STK3: variants seen among roughly 807,000 people sequenced by gnomAD.
STK3 encodes serine/threonine kinase 3.
In STK3, 41 loss-of-function variants were observed where a neutral mutation model predicts 58.0. The observed-to-expected ratio is 0.71, with a 90% CI of 0.55 to 0.92. The LOEUF (loss-of-function observed/expected upper bound fraction) is 0.92. STK3 is among the 40% of genes least tolerant of loss of function. The pLI is 0.00. For synonymous variants in STK3, 170 were observed against 191.0 expected, an observed-to-expected ratio of 0.89 and a Z score of 0.91; for missense variants, 479 against 602.7, an observed-to-expected ratio of 0.79 and a Z score of 2.15.
At chr8:98,511,968 A>T (rs183871774) in intron 10 of STK3, among the ~76,000 whole-genome samples, 39 of 152,036 alleles carry the variant, frequency 2.6e-4, no homozygotes, top group East Asian at 7.7e-4. Context: ...TTTTTTTTTT[A>T]AATTTTTTAA....
intron 1 of STK3, among the ~76,000 whole-genome samples, chr8:98,933,864 A>G (rs1314078208): frequency 6.6e-6 from 1 of 152,240 alleles, no homozygotes; most frequent in Non-Finnish European, 1.5e-5. Context: ...GCCTGTAAGT[A>G]TTAACACAGG....
chr8:98,929,036 C>T (rs111387889), intron 1 of STK3, among the ~76,000 whole-genome samples: 4,860 of 152,264 alleles, frequency 0.032, 100 homozygotes, highest in East Asian at 0.053. Flanking sequence ...GAGGCCAAGG[C>T]GGGTGGATCA....
chr8:98,869,194 G>A (rs1837270201), intron 3 of STK3, among the ~76,000 whole-genome samples: 1 of 152,166 alleles, frequency 6.6e-6, no homozygotes, highest in African/African-American at 2.4e-5. Flanking sequence ...GCTGAGGCTG[G>A]TGGATCACTC....
At chr8:98,736,414 T>C (rs1374382889) in intron 4 of STK3, among the ~76,000 whole-genome samples, 1 of 152,114 alleles carries the variant, frequency 6.6e-6, no homozygotes, top group Non-Finnish European at 1.5e-5. Flanking sequence ...ATTGTAACAC[T>C]GAACTGGAAA....
At chr8:98,924,783 G>C (rs945470117) in intron 1 of STK3, among the ~76,000 whole-genome samples, 4 of 152,172 alleles carry the variant, frequency 2.6e-5, no homozygotes, top group African/African-American at 9.7e-5. Flanking sequence ...TTAGAAGCTA[G>C]GTCTGCGGAA....
At chr8:98,864,160 T>A (rs1235569187) in intron 3 of STK3, among the ~76,000 whole-genome samples, 1 of 130,084 alleles carries the variant, frequency 7.7e-6, no homozygotes, top group Non-Finnish European at 1.5e-5. Flanking sequence ...ATTGCACCAC[T>A]GCACTCCAGC....
At chr8:98,367,613 G>GAAA (rs1359042545), downstream of STK3, among the ~76,000 whole-genome samples, 1 of 152,252 alleles carries the variant, frequency 6.6e-6, no homozygotes, top group Non-Finnish European at 1.5e-5. Context: ...TGGGGCTGGA[G>GAAA]CGGGGTTTCT....
chr8:98,717,809 C>T (rs2131163362), intron 4 of STK3, among the ~76,000 whole-genome samples: 1 of 152,200 alleles, frequency 6.6e-6, no homozygotes, highest in Non-Finnish European at 1.5e-5. Context: ...TGTCATTCGA[C>T]AGACAAATGA....
intron 3 of STK3, chr8:98,413,814 A>G: frequency 5.0e-6 from 3 of 598,762 alleles, no homozygotes; most frequent in Non-Finnish European, 9.5e-6. Context: ...CTCAGGGTTC[A>G]CCCACAAACC....
intron 1 of STK3, among the ~76,000 whole-genome samples, chr8:98,812,377 G>C (rs1337347453): frequency 2.0e-4 from 30 of 152,146 alleles, no homozygotes; most frequent in Admixed American, 2.0e-3. Context: ...TCATTAAAAA[G>C]TCAGGAAACA....
chr8:98,730,197 A>G (rs1828075718), intron 4 of STK3, among the ~76,000 whole-genome samples: 2 of 152,214 alleles, frequency 1.3e-5, no homozygotes, highest in Non-Finnish European at 2.9e-5. Flanking sequence ...ACTGGTAACT[A>G]AAGAAAACTG....
At chr8:98,805,053 C>A (rs768858922) in intron 1 of STK3, among the ~76,000 whole-genome samples, 1 of 151,978 alleles carries the variant, frequency 6.6e-6, no homozygotes, top group Admixed American at 6.6e-5. Flanking sequence ...TTGTTTCTTG[C>A]AAAAATCTGG....
At chr8:98,625,597 G>A (rs1045217147) in intron 6 of STK3, among the ~76,000 whole-genome samples, 1 of 152,090 alleles carries the variant, frequency 6.6e-6, no homozygotes, top group African/African-American at 2.4e-5. Flanking sequence ...AACTGATTAT[G>A]CCTTTTCATA....
At chr8:98,604,473 G>A (rs1314145774) in intron 6 of STK3, among the ~76,000 whole-genome samples, 1 of 152,174 alleles carries the variant, frequency 6.6e-6, no homozygotes, top group Non-Finnish European at 1.5e-5. Context: ...GGGGTCTGGA[G>A]GATGGTGGCC....
At position 98,428,757 on chromosome 8, in the gene STK3, C is replaced by G. The variant is rs1452553524; in HGVS notation, n.483+5370G>C. The G allele has an allele frequency of 6.2e-7, 1 of 1,614,092 alleles. No individual in the cohort carries two copies. Among genetic ancestry groups the G allele is most frequent in the Non-Finnish European group, 8.5e-7 (1 of 1,180,040 alleles). On this transcript the variant is annotated intron_variant and non_coding_transcript_variant, in intron 3 of 3. Transcript: ENST00000517832. The surrounding 1 kb of genome is among the most constrained non-coding windows in gnomAD (Gnocchi z 6.7). ...CTTCCTCAAGTTCTTCAAGAATGCC[C>G]TAAACCTTATTGACCTCATGTCCAT...
intron 3 of STK3, among the ~76,000 whole-genome samples, chr8:98,860,225 A>C (rs989958320): frequency 1.3e-5 from 2 of 152,238 alleles, no homozygotes; most frequent in African/African-American, 4.8e-5. Flanking sequence ...GATAACATGA[A>C]ATAGATAAGT....
intron 1 of STK3, among the ~76,000 whole-genome samples, chr8:98,896,010 T>C (rs1444408607): frequency 1.3e-5 from 2 of 152,202 alleles, no homozygotes; most frequent in Non-Finnish European, 2.9e-5. Flanking sequence ...AGAGTTCAAA[T>C]TTCTGAGATG....
At chr8:98,699,155 G>A (rs1444618518) in intron 6 of STK3, among the ~76,000 whole-genome samples, 7 of 152,016 alleles carry the variant, frequency 4.6e-5, no homozygotes, top group South Asian at 4.1e-4. Context: ...TGATCGCATC[G>A]GCTCCTGAGG....
rs541964433 is a variant in STK3, at chr8:98,716,905, G to T, written c.352-9594C>A. Among the ~76,000 whole-genome samples the T allele has an allele frequency of 9.9e-5, 15 of 152,144 alleles. No homozygotes were observed. In the East Asian group the frequency reaches 2.7e-3, roughly 27 times the overall value. On this transcript the variant is annotated intron_variant, in intron 4 of 10. Coordinates refer to ENST00000419617, the MANE Select transcript of STK3 (RefSeq NM_006281.4). ...AAATTATTTTCAACAAGAGTGTCAA[G>T]AACATTCAATAGGAAATGAACAGTA...
Sources: allele counts gnomAD v4.1 joint callset (sites outside exome capture counted in the v4.1 genomes callset), GRCh38; gene constraint gnomAD v4.1.1; non-coding constraint Gnocchi (gnomAD v3.1); transcripts MANE v1.5; gene names NCBI Gene and HGNC (gene_info 2026-07-23, HGNC 2026-07-21).